Variants in HDAC9 observed in about 807,000 individuals in gnomAD.
The protein encoded by HDAC9 is MEF-2 interacting transcription repressor (MITR) protein.
Under a neutral mutation model 139.4 loss-of-function variants are expected in HDAC9, and 41 were observed. That is an observed-to-expected ratio of 0.29 (90% CI 0.23 to 0.38). The LOEUF (loss-of-function observed/expected upper bound fraction) is 0.38, where lower values mean the gene tolerates loss of function less well. HDAC9 is among the 10% of genes least tolerant of loss of function. The pLI is 1.00. For missense variants in HDAC9, 1,147 were observed against 1,297.0 expected, an observed-to-expected ratio of 0.88 and a Z score of 1.78; for synonymous variants, 517 against 476.2, an observed-to-expected ratio of 1.09 and a Z score of -1.12.
chr7:18,296,393 T>C (rs1798149997), intron 1 of HDAC9, among the ~76,000 whole-genome samples: 1 of 143,882 alleles, frequency 7.0e-6, no homozygotes, highest in South Asian at 2.1e-4. Flanking sequence ...TTATTTTCTC[T>C]TGATTATAAC....
chr7:18,351,293 A>T (rs1229415852), intron 1 of HDAC9, among the ~76,000 whole-genome samples: 1 of 152,100 alleles, frequency 6.6e-6, no homozygotes, highest in Non-Finnish European at 1.5e-5. Context: ...TTGCTTCAAT[A>T]TTTTTCCCCT....
intron 2 of HDAC9, among the ~76,000 whole-genome samples, chr7:18,261,577 C>T (rs1441446120): frequency 6.6e-6 from 1 of 152,124 alleles, no homozygotes; most frequent in East Asian, 1.9e-4. Context: ...ATTCCCACTC[C>T]AAAGTAAGGT....
At chr7:18,864,312 G>T (rs1436394912) in intron 21 of HDAC9, among the ~76,000 whole-genome samples, 4 of 152,150 alleles carry the variant, frequency 2.6e-5, no homozygotes, top group Non-Finnish European at 5.9e-5. Flanking sequence ...CTTACATGAG[G>T]TATCTAAAAT....
intron 2 of HDAC9, among the ~76,000 whole-genome samples, chr7:18,532,263 C>T (rs1011389699): frequency 6.6e-6 from 1 of 151,940 alleles, no homozygotes; most frequent in East Asian, 1.9e-4. Context: ...CAACAAAAAA[C>T]CAAAACAAAC....
In HDAC9 at chr7:18,244,884, T is replaced by G. The variant is rs111533457; in HGVS notation, c.25+82535T>G. Among the ~76,000 whole-genome samples, 1,074 of 152,184 alleles carry G rather than the reference T, an allele frequency of 7.1e-3. 11 individuals carry two copies. Among genetic ancestry groups the G allele is most frequent in the African/African-American group, 0.024 (1,014 of 41,516 alleles). On this transcript the variant is annotated intron_variant, in intron 2 of 12. Coordinates refer to the HDAC9 transcript ENST00000417496. ...TTTTTCTTTTGTATTCAGGATTGAC[T>G]GGAAAGTAAATGTCACTCAGTCTGA...
At chr7:18,214,590 T>C (rs530979698) in intron 2 of HDAC9, among the ~76,000 whole-genome samples, 4 of 152,158 alleles carry the variant, frequency 2.6e-5, no homozygotes, top group South Asian at 4.1e-4. Context: ...CACTGATGGG[T>C]AGTAATTGAA....
rs2129337779 is a variant in HDAC9, at chr7:18,975,846, G to A, written c.3063G>A (p.Arg1021=). The change falls in exon 25 of 26, where the codon AGG becomes AGA. Residue 1021 remains arginine, a synonymous_variant. Transcript: ENST00000686413. ...WKSVRMVAVP[R]GCALAGAQLQ... ...CAGTAAGGATGGTGGCTGTGCCAAG[G>A]GGCTGTGCTCTGGCTGGTGCTCAGT... 3 of 1,613,920 alleles carry A rather than the reference G, an allele frequency of 1.9e-6. No individual in the cohort carries two copies. The African/African-American group carries it at 4.0e-5, about 22-fold the overall frequency.
intron 13 of HDAC9, among the ~76,000 whole-genome samples, chr7:18,743,318 G>C (rs929292641): frequency 2.0e-5 from 3 of 151,962 alleles, no homozygotes; most frequent in African/African-American, 7.3e-5. Flanking sequence ...CTTTCTAGCT[G>C]TCTGATACTC....
chr7:18,832,122 T>C (rs1445375596), intron 19 of HDAC9, among the ~76,000 whole-genome samples: 1 of 152,206 alleles, frequency 6.6e-6, no homozygotes, highest in Non-Finnish European at 1.5e-5. Context: ...GCAGGTGTAC[T>C]TGCTTTTCAA....
chr7:18,314,452 C>T (rs1385261279), intron 1 of HDAC9, among the ~76,000 whole-genome samples: 5 of 152,064 alleles, frequency 3.3e-5, no homozygotes, highest in Non-Finnish European at 4.4e-5. Context: ...TTAATAGTTA[C>T]GTTTGATATG....
intron 13 of HDAC9, among the ~76,000 whole-genome samples, chr7:18,748,667 A>T (rs974806364): frequency 1.3e-5 from 2 of 152,220 alleles, no homozygotes; most frequent in Non-Finnish European, 2.9e-5. Context: ...CTGCCTAAAA[A>T]CAATTCATAA....
intron 23 of HDAC9, among the ~76,000 whole-genome samples, chr7:18,938,519 C>G (rs960877454): frequency 1.3e-5 from 2 of 150,414 alleles, no homozygotes; most frequent in African/African-American, 4.9e-5. Flanking sequence ...GGCATGAACC[C>G]GAGAGGTGGA....
chr7:18,732,924 CGT>C lies in HDAC9; in HGVS notation c.1909+5172_1909+5173del, dbSNP rs1491507465. Among the ~76,000 whole-genome samples the C allele has an allele frequency of 2.8e-4, 33 of 116,808 alleles. 6 individuals are homozygous for C. The highest frequency in any genetic ancestry group is 5.6e-3 in the Middle Eastern group (1 of 180). 76.6% of individuals were successfully genotyped at this position (116,808 alleles called of 152,430 possible). Reference sequence around the variant, plus strand: ...ACACGTGTGCGTATGTGTATACACACGTGTGTATGTATGTGTATACACACGTG... The same window carrying C: ...ACACGTGTGCGTATGTGTATACACACGTGTATGTATGTGTATACACACGTG... On this transcript the variant is annotated intron_variant, in intron 13 of 25. Transcript: ENST00000686413.
At chr7:18,361,039 A>C (rs1403843818) in intron 1 of HDAC9, among the ~76,000 whole-genome samples, 1 of 152,206 alleles carries the variant, frequency 6.6e-6, no homozygotes, top group Non-Finnish European at 1.5e-5. Flanking sequence ...CTAGTTTCAG[A>C]ATGGAATGGT....
At chr7:18,820,643 G>A (rs1794894034) in intron 17 of HDAC9, among the ~76,000 whole-genome samples, 1 of 152,216 alleles carries the variant, frequency 6.6e-6, no homozygotes, top group Admixed American at 6.5e-5. Flanking sequence ...GAGGAAAAAA[G>A]CTAGGGTAGT....
intron 14 of HDAC9, among the ~76,000 whole-genome samples, chr7:18,761,547 A>C (rs1789391540): frequency 6.6e-6 from 1 of 152,226 alleles, no homozygotes; most frequent in Non-Finnish European, 1.5e-5. Context: ...TTGCCATAAA[A>C]GTTTCTAAAT....
chr7:18,314,993 GTGGTTGAAAAACCTTGGCAAGAGTACA>G (rs1223047870), intron 1 of HDAC9, among the ~76,000 whole-genome samples: 24 of 152,238 alleles, frequency 1.6e-4, no homozygotes, highest in Non-Finnish European at 1.9e-4. Flanking sequence ...TCGCAGCAAC[GTGGTTGAAAAACCTTGGCAAGAGTACA>G]TGAACTAAAT....
intron 12 of HDAC9, among the ~76,000 whole-genome samples, chr7:18,677,190 A>G (rs971702663): frequency 1.3e-5 from 2 of 151,826 alleles, no homozygotes; most frequent in African/African-American, 4.8e-5. Flanking sequence ...GACACTATAT[A>G]TTAGTTTTTA....
chr7:18,648,483 C>T lies in HDAC9; in HGVS notation c.1267C>T (p.Pro423Ser). Residue 423 changes from proline to serine, a missense_variant, in exon 11 of 26, where the codon CCT becomes TCT. Pro to Ser is a moderately conservative substitution (Grantham distance 74, BLOSUM62 -1). Transcript: ENST00000686413. ...LLVAGGVPLH[P>S]QSPLATKERI... is the part of the protein sequence containing the mutation. Reference sequence around the variant, plus strand: ...TTTTTCAGGTGGAGTTCCCTTACATCCTCAGTCTCCCTTGGCAACAAAAGA... The same window carrying T: ...TTTTTCAGGTGGAGTTCCCTTACATTCTCAGTCTCCCTTGGCAACAAAAGA... 1 of 1,612,174 alleles carries T rather than the reference C, an allele frequency of 6.2e-7. No individual in the cohort carries two copies. Among genetic ancestry groups the T allele is most frequent in the Non-Finnish European group, 8.5e-7 (1 of 1,179,386 alleles).
Sources: allele counts gnomAD v4.1 joint callset (sites outside exome capture counted in the v4.1 genomes callset), GRCh38; gene constraint gnomAD v4.1.1; transcripts MANE v1.5; gene names NCBI Gene and HGNC (gene_info 2026-07-23, HGNC 2026-07-21).